Variants in TBC1D22A observed in about 807,000 individuals in gnomAD.
TBC1D22A encodes the protein putative GTPase activator.
In TBC1D22A, 38 loss-of-function variants were observed where a neutral mutation model predicts 60.2. The observed-to-expected ratio is 0.63, with a 90% CI of 0.49 to 0.83. The LOEUF (loss-of-function observed/expected upper bound fraction) is 0.83. Ranked by LOEUF, TBC1D22A falls within the 40% of genes least tolerant of loss-of-function variation. TBC1D22A has a pLI of 0.00. For synonymous variants in TBC1D22A, 302 were observed against 281.7 expected (o/e 1.07, Z -0.72); for missense variants, 628 against 701.0 (o/e 0.90, Z 1.18).
chr22:47,036,955 C>T (rs1274850574), intron 10 of TBC1D22A, 116 bp from the exon 11 acceptor site: 4 of 1,247,152 alleles, frequency 3.2e-6, no homozygotes, highest in Middle Eastern at 2.3e-4. Flanking sequence ...CTTGGGATTC[C>T]CTGTTGGAGT....
intron 7 of TBC1D22A, among the ~76,000 whole-genome samples, chr22:46,911,046 G>A (rs1043555436): frequency 6.6e-6 from 1 of 152,128 alleles, no homozygotes; most frequent in African/African-American, 2.4e-5. Context: ...TCCGTGGGAG[G>A]TGAGGAGCAT....
At chr22:46,814,077 G>A (rs886608234) in intron 4 of TBC1D22A, among the ~76,000 whole-genome samples, 2 of 152,324 alleles carry the variant, frequency 1.3e-5, no homozygotes, top group East Asian at 1.9e-4. Context: ...ACAGGCTGGC[G>A]TGGCAGGAGC....
At chr22:47,129,708 C>T (rs1478050854) in intron 12 of TBC1D22A, among the ~76,000 whole-genome samples, 2 of 152,134 alleles carry the variant, frequency 1.3e-5, no homozygotes, top group Non-Finnish European at 2.9e-5. Flanking sequence ...AAGCCTACAC[C>T]TTTTTAAAAA....
chr22:46,802,288 G>A (rs1222106212), intron 4 of TBC1D22A, among the ~76,000 whole-genome samples: 1 of 152,226 alleles, frequency 6.6e-6, no homozygotes, highest in Non-Finnish European at 1.5e-5. Flanking sequence ...GAGGGAGCTC[G>A]CTCAGTACCC....
chr22:46,820,236 A>G lies in TBC1D22A; in HGVS notation c.637+22616A>G, dbSNP rs190435804. Among the ~76,000 whole-genome samples, 28 of 149,104 alleles carry G rather than the reference A, an allele frequency of 1.9e-4. No individual in the cohort carries two copies. In the East Asian group the frequency reaches 4.3e-3, roughly 23 times the overall value. On this transcript the variant is annotated intron_variant, in intron 4 of 12. Coordinates refer to ENST00000337137, the MANE Select transcript of TBC1D22A (RefSeq NM_014346.5). ...GTTTTTTGTGTCTCAGTCTCCTTCA[A>G]TTCTTCTCTGATCTTAGTTATTTTT...
At chr22:46,951,328 T>C (rs1444653982) in intron 8 of TBC1D22A, among the ~76,000 whole-genome samples, 1 of 152,214 alleles carries the variant, frequency 6.6e-6, no homozygotes, top group Non-Finnish European at 1.5e-5. Context: ...CACAAACCAC[T>C]TCAGAAGAAC....
chr22:46,971,638 G>C (rs563883248), intron 8 of TBC1D22A, among the ~76,000 whole-genome samples: 1 of 152,348 alleles, frequency 6.6e-6, no homozygotes, highest in Non-Finnish European at 1.5e-5. Flanking sequence ...TAGGAAAGGC[G>C]TTACGAGGGG....
chr22:46,903,244 G>A (rs984190328), intron 7 of TBC1D22A, among the ~76,000 whole-genome samples: 1 of 152,164 alleles, frequency 6.6e-6, no homozygotes, highest in African/African-American at 2.4e-5. Flanking sequence ...AAGTGCAGTG[G>A]CACAGCCATC....
intron 12 of TBC1D22A, among the ~76,000 whole-genome samples, chr22:47,170,977 G>T (rs1435750313): frequency 6.6e-6 from 1 of 152,242 alleles, no homozygotes; most frequent in Non-Finnish European, 1.5e-5. Context: ...CGGGGGGCCT[G>T]CCTCAGTGAG....
Position 46,891,261 on chromosome 22 carries a change from C to A in TBC1D22A, c.709-5C>A. ...ATGTATATTTTTTGTTTATTTCTCACCCAGGGTTACCTTCCCGCCAATGTA... is the reference window on the plus strand; with the variant it reads ...ATGTATATTTTTTGTTTATTTCTCAACCAGGGTTACCTTCCCGCCAATGTA... On this transcript the variant is annotated splice_polypyrimidine_tract_variant and splice_region_variant and intron_variant, in intron 5 of 12. Transcript: ENST00000337137. 1.9e-6 allele frequency: 3 copies of A among 1,600,864 alleles called. No individual in the cohort carries two copies. Among genetic ancestry groups the A allele is most frequent in the African/African-American group, 1.4e-5 (1 of 74,036 alleles).
intron 9 of TBC1D22A, among the ~76,000 whole-genome samples, chr22:46,987,238 C>T (rs2074762322): frequency 6.6e-6 from 1 of 152,122 alleles, no homozygotes; most frequent in Non-Finnish European, 1.5e-5. Context: ...AAATTAGTCT[C>T]CATCTCTCGA....
chr22:46,903,125 TCTCTTTCCTCAGGGGA>T (rs1435735757), intron 7 of TBC1D22A, among the ~76,000 whole-genome samples: 1 of 152,110 alleles, frequency 6.6e-6, no homozygotes, highest in Non-Finnish European at 1.5e-5. Context: ...TCTCTGTGGA[TCTCTTTCCTCAGGGGA>T]CTCTGCAACC....
At chr22:46,887,624 G>A (rs907648395) in intron 5 of TBC1D22A, among the ~76,000 whole-genome samples, 2 of 152,186 alleles carry the variant, frequency 1.3e-5, no homozygotes, top group Admixed American at 6.5e-5. Flanking sequence ...TAATTTTCAA[G>A]TGTAACACTG....
intron 4 of TBC1D22A, among the ~76,000 whole-genome samples, chr22:46,831,015 A>AG (rs2086286407): frequency 6.6e-6 from 1 of 152,140 alleles, no homozygotes; most frequent in Non-Finnish European, 1.5e-5. Context: ...TGGGCATTGG[A>AG]GTCACGGTGG....
chr22:46,797,628 C>G lies in TBC1D22A; in HGVS notation c.637+8C>G, dbSNP rs1308760736. The G allele has an allele frequency of 1.9e-6, 3 of 1,595,692 alleles. No homozygotes were observed. Among genetic ancestry groups the G allele is most frequent in the Admixed American group, 1.8e-5 (1 of 56,714 alleles). ...GCCCCAACACGGACCTTGGTAAGCA[C>G]CCTGCCCTCTGGAGGACACACACAG... On this transcript the variant is annotated splice_region_variant and intron_variant, in intron 4 of 12. Transcript: ENST00000337137.
intron 8 of TBC1D22A, among the ~76,000 whole-genome samples, chr22:46,933,687 G>T (rs755958801): frequency 6.6e-6 from 1 of 152,246 alleles, no homozygotes; most frequent in Non-Finnish European, 1.5e-5. Flanking sequence ...ACTCAGATGC[G>T]TGTGTTCTCT....
chr22:46,872,859 A>G (rs1038356923), intron 4 of TBC1D22A, among the ~76,000 whole-genome samples: 1 of 152,236 alleles, frequency 6.6e-6, no homozygotes, highest in African/African-American at 2.4e-5. Flanking sequence ...GAGCTGGGGA[A>G]AGTCACCAAA....
chr22:46,839,441 A>G (rs180848306), intron 4 of TBC1D22A, among the ~76,000 whole-genome samples: 4 of 152,302 alleles, frequency 2.6e-5, no homozygotes, highest in African/African-American at 9.6e-5. Flanking sequence ...GTAAAAGGAA[A>G]TAAAGAAGAC....
At chr22:47,055,199 C>T (rs1283148262) in intron 11 of TBC1D22A, among the ~76,000 whole-genome samples, 1 of 152,248 alleles carries the variant, frequency 6.6e-6, no homozygotes. Flanking sequence ...GGCTCTGCCC[C>T]TACTGCTCCC....
Sources: gnomAD v4.1 joint callset for allele counts (sites outside exome capture counted in the v4.1 genomes callset) on GRCh38, gnomAD v4.1.1 for gene constraint, MANE v1.5 for transcripts, NCBI Gene and HGNC (gene_info 2026-07-23, HGNC 2026-07-21) for gene names.